The following NCAM2 variants were observed in gnomAD, a reference collection of about 807,000 sequenced individuals.
NCAM2 encodes the protein neural cell adhesion molecule 2, also known as N-CAM-2.
In NCAM2, 30 loss-of-function variants were observed where a neutral mutation model predicts 98.1. The observed-to-expected ratio is 0.31, with a 90% confidence interval of 0.23 to 0.41. The LOEUF (loss-of-function observed/expected upper bound fraction) is 0.41, where lower values mean the gene tolerates loss of function less well. NCAM2 is among the 10% of genes least tolerant of loss of function. NCAM2 has a pLI of 1.00. For missense variants in NCAM2, 867 were observed against 1,005.8 expected (o/e 0.86, Z 1.87); for synonymous variants, 368 against 342.4 (o/e 1.07, Z -0.83).
chr21:21,254,253 C>T (rs1176476275), intron 1 of NCAM2, among the ~76,000 whole-genome samples: 1 of 152,164 alleles, frequency 6.6e-6, no homozygotes, highest in African/African-American at 2.4e-5. Context: ...TACTCATCTG[C>T]CACTTGGCAA....
intron 1 of NCAM2, among the ~76,000 whole-genome samples, chr21:21,089,027 G>T (rs2065960935): frequency 6.6e-6 from 1 of 151,540 alleles, no homozygotes; most frequent in South Asian, 2.1e-4. Context: ...AGGCTTCAGG[G>T]ATCATAGGTT....
chr21:21,021,660 C>T (rs2146188215), intron 1 of NCAM2, among the ~76,000 whole-genome samples: 1 of 152,244 alleles, frequency 6.6e-6, no homozygotes, highest in Non-Finnish European at 1.5e-5. Flanking sequence ...ATTTTTTAAT[C>T]TATTCATTTA....
chr21:21,298,588 CAGATAGAT>C (rs58405004), intron 5 of NCAM2, among the ~76,000 whole-genome samples: 6,765 of 147,592 alleles, frequency 0.046, 193 homozygotes, highest in Middle Eastern at 0.097. Context: ...ATGATAGATA[CAGATAGAT>C]AGATAGATAG....
intron 1 of NCAM2, among the ~76,000 whole-genome samples, chr21:21,160,190 C>A (rs75817827): frequency 1.3e-5 from 2 of 151,828 alleles, no homozygotes; most frequent in Non-Finnish European, 2.9e-5. Context: ...ATATTTTCAG[C>A]GTGTGGACAT....
intron 16 of NCAM2, 84 bp downstream of exon 16, chr21:21,509,139 T>TA: frequency 7.5e-7 from 1 of 1,340,082 alleles, no homozygotes; most frequent in Non-Finnish European, 1.1e-6. Flanking sequence ...CGTTGTAGGG[T>TA]AAAGGAGTAG....
At chr21:21,024,472 A>T (rs1332015183) in intron 1 of NCAM2, among the ~76,000 whole-genome samples, 1 of 152,266 alleles carries the variant, frequency 6.6e-6, no homozygotes, top group Non-Finnish European at 1.5e-5. Flanking sequence ...ACAAATAAAG[A>T]GAAAAGAAAT....
At chr21:21,394,182 A>T (rs62207394) in intron 9 of NCAM2, among the ~76,000 whole-genome samples, 18,893 of 152,162 alleles carry the variant, frequency 0.12, 1,521 homozygotes, top group East Asian at 0.3. Context: ...GCACACATCT[A>T]ATTTAGTATT....
chr21:21,179,510 T>G (rs1037702396), intron 1 of NCAM2, among the ~76,000 whole-genome samples: 1 of 152,212 alleles, frequency 6.6e-6, no homozygotes, highest in Non-Finnish European at 1.5e-5. Context: ...AAAGTGACAT[T>G]CTCCCCACAT....
chr21:21,131,288 G>A (rs2066929395), intron 1 of NCAM2, among the ~76,000 whole-genome samples: 1 of 148,414 alleles, frequency 6.7e-6, no homozygotes, highest in Non-Finnish European at 1.5e-5. Context: ...CTGGGGGGGG[G>A]CTTTAATTTT....
At chr21:21,024,667 G>A (rs2064505170) in intron 1 of NCAM2, among the ~76,000 whole-genome samples, 1 of 152,128 alleles carries the variant, frequency 6.6e-6, no homozygotes, top group African/African-American at 2.4e-5. Context: ...CCTCAGGTCA[G>A]CAGTTCGAGA....
At chr21:21,217,457 C>G (rs1245712677) in intron 1 of NCAM2, among the ~76,000 whole-genome samples, 1 of 151,956 alleles carries the variant, frequency 6.6e-6, no homozygotes, top group Non-Finnish European at 1.5e-5. Context: ...AATTATGTCT[C>G]TGTTGCAGAA....
intron 14 of NCAM2, 54 bp downstream of exon 14, chr21:21,468,837 G>A: frequency 2.0e-6 from 3 of 1,498,242 alleles, no homozygotes; most frequent in East Asian, 2.3e-5. Flanking sequence ...ATTAAATTGA[G>A]TTGCACTGAA....
At chr21:21,058,060 G>C (rs764636958) in intron 1 of NCAM2, among the ~76,000 whole-genome samples, 44 of 147,072 alleles carry the variant, frequency 3.0e-4, no homozygotes, top group Non-Finnish European at 5.0e-4. Flanking sequence ...CTGCTCCAGA[G>C]ATCACTAATG....
intron 8 of NCAM2, among the ~76,000 whole-genome samples, chr21:21,366,803 T>G (rs173021): frequency 0.36 from 54,401 of 151,896 alleles, 9,946 homozygotes; most frequent in East Asian, 0.58. Context: ...TCAATACTTT[T>G]CCCTTCCAAT....
intron 15 of NCAM2, among the ~76,000 whole-genome samples, chr21:21,498,180 C>T (rs1439704730): frequency 6.6e-6 from 1 of 152,036 alleles, no homozygotes; most frequent in African/African-American, 2.4e-5. Flanking sequence ...TTAAAAATCC[C>T]TCCAACTGGC....
chr21:21,037,806 A>G (rs1243011766), intron 1 of NCAM2, among the ~76,000 whole-genome samples: 2 of 152,194 alleles, frequency 1.3e-5, no homozygotes, highest in Non-Finnish European at 2.9e-5. Context: ...TATATACTAC[A>G]TACTTGAAGT....
chr21:21,006,329 A>C (rs191223108), intron 1 of NCAM2, among the ~76,000 whole-genome samples: 5 of 152,222 alleles, frequency 3.3e-5, no homozygotes, highest in African/African-American at 9.6e-5. Context: ...CAACATGGCA[A>C]ATCTCCGTCT....
At chr21:21,063,598 A>G (rs1316854337) in intron 1 of NCAM2, among the ~76,000 whole-genome samples, 1 of 152,076 alleles carries the variant, frequency 6.6e-6, no homozygotes, top group Non-Finnish European at 1.5e-5. Context: ...AAAAAAAAAT[A>G]AATTTTCTAG....
intron 5 of NCAM2, among the ~76,000 whole-genome samples, chr21:21,314,991 A>G (rs2074175446): frequency 1.3e-5 from 2 of 152,228 alleles, no homozygotes; most frequent in African/African-American, 2.4e-5. Context: ...CAGGTAAAAC[A>G]ATAGATTATC....
Sources: allele counts gnomAD v4.1 joint callset (sites outside exome capture counted in the v4.1 genomes callset), GRCh38; gene constraint gnomAD v4.1.1; transcripts MANE v1.5; gene names NCBI Gene and HGNC (gene_info 2026-07-23, HGNC 2026-07-21).